Variants in SH2D4B observed in about 807,000 individuals in gnomAD.
The protein encoded by SH2D4B is SH2 domain-containing protein 4B.
In SH2D4B, 45 loss-of-function variants were observed where a neutral mutation model predicts 61.5. The observed-to-expected ratio is 0.73, with a 90% CI of 0.58 to 0.94. The LOEUF (loss-of-function observed/expected upper bound fraction) is 0.94. Ranked by LOEUF, SH2D4B falls within the 40% of genes least tolerant of loss-of-function variation. The pLI is 0.00. For missense variants in SH2D4B, 572 were observed against 574.2 expected, an observed-to-expected ratio of 1.00 and a Z score of 0.04; for synonymous variants, 224 against 220.4, an observed-to-expected ratio of 1.02 and a Z score of -0.14.
chr10:80,564,985 C>CA lies in SH2D4B; in HGVS notation c.185-5162dup, dbSNP rs571413854. Among the ~76,000 whole-genome samples the CA allele has an allele frequency of 1.8e-3, 270 of 152,018 alleles. 2 individuals carry two copies. Among genetic ancestry groups the CA allele is most frequent in the African/African-American group, 5.7e-3 (238 of 41,476 alleles). The stretch of plus-strand genomic sequence containing the variant: ...CTCATGGTCAGAACAAATTTATAGA[C>CA]AAAAAAAGGGACATTGGAAGTGAGG... On this transcript the variant is annotated intron_variant, in intron 1 of 7. Coordinates refer to ENST00000646907, the MANE Select transcript of SH2D4B (RefSeq NM_001388272.1).
At chr10:80,541,937 T>C (rs536486943) in intron 1 of SH2D4B, among the ~76,000 whole-genome samples, 31 of 152,328 alleles carry the variant, frequency 2.0e-4, no homozygotes, top group African/African-American at 7.2e-4. Flanking sequence ...ACATGGCATT[T>C]CTTTTCTGTT....
At chr10:80,588,874 C>T in intron 4 of SH2D4B, 97 bp downstream of exon 4, 5 of 1,445,952 alleles carry the variant, frequency 3.5e-6, no homozygotes, top group Non-Finnish European at 4.7e-6. Context: ...TCCATTCGCT[C>T]ACTCACCCCA....
intron 7 of SH2D4B, among the ~76,000 whole-genome samples, chr10:80,636,885 T>A (rs1157870818): frequency 6.6e-6 from 1 of 152,236 alleles, no homozygotes; most frequent in Non-Finnish European, 1.5e-5. Flanking sequence ...CTGAATGGTA[T>A]TGCCTAGGTT....
chr10:80,551,640 A>G (rs1417677581), intron 1 of SH2D4B, among the ~76,000 whole-genome samples: 1 of 152,202 alleles, frequency 6.6e-6, no homozygotes, highest in Non-Finnish European at 1.5e-5. Flanking sequence ...AAATTAAAGC[A>G]ATCAGATTAG....
intron 1 of SH2D4B, chr10:80,540,882 C>T: frequency 6.4e-7 from 1 of 1,551,664 alleles, no homozygotes; most frequent in Non-Finnish European, 8.7e-7. Context: ...GAGGAATCTT[C>T]TCTTCCTTCC....
rs561425751 is a variant in SH2D4B at position 80,609,496 on chromosome 10, G to T, written c.933G>T (p.Leu311=). Residue 311 remains leucine (L), a synonymous_variant, in exon 6 of 8, where the codon CTG becomes CTT. Coordinates refer to ENST00000646907, the MANE Select transcript of SH2D4B (RefSeq NM_001388272.1). ...TCCGCTGGTTTAAGGAGGAGCAGCTGCCTCGCCGAGCTGGCTTCGAGAGGA... is the reference window on the plus strand; with the variant it reads ...TCCGCTGGTTTAAGGAGGAGCAGCTTCCTCGCCGAGCTGGCTTCGAGAGGA... ...VIVRWFKEEQ[L]PRRAGFERNT... is the part of the protein sequence containing the mutation. The T allele has an allele frequency of 1.9e-6, 3 of 1,614,220 alleles. No homozygotes were observed. The highest frequency in any genetic ancestry group is 2.2e-5 in the South Asian group (2 of 91,084).
At chr10:80,615,431 A>T (rs1034134183) in intron 6 of SH2D4B, among the ~76,000 whole-genome samples, 1 of 152,242 alleles carries the variant, frequency 6.6e-6, no homozygotes. Context: ...GGAAACTGGG[A>T]CAGAAAAGTG....
At chr10:80,592,701 CTG>C (rs1025089973) in intron 4 of SH2D4B, among the ~76,000 whole-genome samples, 1 of 146,264 alleles carries the variant, frequency 6.8e-6, no homozygotes, top group Non-Finnish European at 1.5e-5. Flanking sequence ...TTTCTGTACT[CTG>C]TCTCTCTGTC....
chr10:80,538,440 A>T lies in SH2D4B; in HGVS notation c.109A>T (p.Arg37Trp). Residue 37 changes from arginine (R) to tryptophan (W), a missense_variant, in exon 1 of 8, where the codon AGG becomes TGG. Physicochemically the swap from Arg to Trp is moderately radical, Grantham distance 101. Coordinates refer to ENST00000646907, the MANE Select transcript of SH2D4B (RefSeq NM_001388272.1). This position sits in a 1 kb window ranked among gnomAD's most constrained non-coding sequence, Gnocchi z 4.8. ...CTACAAAATGCGGGAGGAGCAGCTG[A>T]GGCGCTGGAAGGAGCGGGAGACTTG... ...LFYKMREEQLRRWKERETWEA... is the reference protein window; with the variant it reads ...LFYKMREEQLWRWKERETWEA... The T allele has an allele frequency of 6.7e-7, 1 of 1,498,504 alleles. No homozygotes were observed. The highest frequency in any genetic ancestry group is 8.9e-7 in the Non-Finnish European group (1 of 1,122,394). 92.8% of individuals were successfully genotyped at this position (1,498,504 alleles called of 1,614,324 possible).
rs1841553260 is a variant in SH2D4B, at chr10:80,539,695, T to C, written c.184+1180T>C. 6.6e-6 allele frequency among the ~76,000 whole-genome samples: 1 copy of C among 152,124 alleles called. No individual in the cohort carries two copies. The highest frequency in any genetic ancestry group is 1.5e-5 in the Non-Finnish European group (1 of 68,020). ...TGCCCTGGCATTTGCCACCCTGTCATTGTCATTCCTCATCTGCTTGCCTGG... is the reference window on the plus strand; with the variant it reads ...TGCCCTGGCATTTGCCACCCTGTCACTGTCATTCCTCATCTGCTTGCCTGG... On this transcript the variant is annotated intron_variant, in intron 1 of 7. Transcript: ENST00000646907. This position sits in a 1 kb window ranked among gnomAD's most constrained non-coding sequence, Gnocchi z 4.9.
intron 2 of SH2D4B, among the ~76,000 whole-genome samples, chr10:80,570,989 C>T (rs1842035037): frequency 6.6e-6 from 1 of 152,140 alleles, no homozygotes; most frequent in African/African-American, 2.4e-5. Context: ...ATCCTCCCGC[C>T]TCAGCCTCCT....
chr10:80,582,553 G>C (rs1842194713), intron 3 of SH2D4B, among the ~76,000 whole-genome samples: 1 of 152,120 alleles, frequency 6.6e-6, no homozygotes, highest in Admixed American at 6.5e-5. Context: ...GAGTTCCTTG[G>C]GATATCTGCT....
chr10:80,563,103 G>A (rs1325475766), intron 1 of SH2D4B, among the ~76,000 whole-genome samples: 1 of 151,380 alleles, frequency 6.6e-6, no homozygotes, highest in Non-Finnish European at 1.5e-5. Context: ...GGGTTTCACC[G>A]TTTTAGCCGG....
intron 3 of SH2D4B, among the ~76,000 whole-genome samples, chr10:80,572,014 C>T (rs964555662): frequency 2.6e-5 from 4 of 151,916 alleles, no homozygotes; most frequent in South Asian, 4.2e-4. Flanking sequence ...CCTCGTGATC[C>T]GCCCGCCTCG....
chr10:80,638,222 A>G (rs558930723), intron 7 of SH2D4B, among the ~76,000 whole-genome samples: 1 of 152,228 alleles, frequency 6.6e-6, no homozygotes, highest in Non-Finnish European at 1.5e-5. Context: ...ATCGATGTTC[A>G]TCAGGGATAT....
At chr10:80,636,078 G>A (rs543770486) in intron 7 of SH2D4B, among the ~76,000 whole-genome samples, 3 of 152,194 alleles carry the variant, frequency 2.0e-5, no homozygotes, top group South Asian at 4.1e-4. Flanking sequence ...GATAGTTTGC[G>A]AGAATGATGG....
rs564378251 is a variant in SH2D4B, at chr10:80,570,316, G to A, written c.347G>A (p.Trp116Ter). 3.1e-6 allele frequency: 5 copies of A among 1,612,522 alleles called. No individual in the cohort carries two copies. The South Asian group carries it at 4.4e-5, about 14-fold the overall frequency. ...LQAQREAEEL[W>*]RQKEAEITKK... ...GCACAGAGGGAAGCTGAGGAGCTCT[G>A]GTGAGGGGTGCTATGGGGTGTTGGG... Residue 116 changes from tryptophan (W) to a stop codon, truncating the protein, a stop_gained and splice_region_variant, in exon 2 of 8, where the codon TGG (tryptophan) becomes TAG (stop). Transcript: ENST00000646907. LOFTEE classifies it high-confidence loss of function.
chr10:80,611,126 G>A (rs1346732500), intron 6 of SH2D4B, among the ~76,000 whole-genome samples: 3 of 129,810 alleles, frequency 2.3e-5, no homozygotes, highest in African/African-American at 8.7e-5. Flanking sequence ...AGAGAGCCGA[G>A]ATTGCAACAT....
intron 4 of SH2D4B, among the ~76,000 whole-genome samples, chr10:80,602,634 G>T (rs12243395): frequency 0.076 from 11,611 of 152,134 alleles, 467 homozygotes; most frequent in African/African-American, 0.097. Context: ...ACCAAGAAAG[G>T]GTTCCAGAAC....
Sources: gnomAD v4.1 joint callset for allele counts (sites outside exome capture counted in the v4.1 genomes callset) on GRCh38, gnomAD v4.1.1 for gene constraint, Gnocchi (gnomAD v3.1) non-coding constraint, MANE v1.5 for transcripts, NCBI Gene and HGNC (gene_info 2026-07-23, HGNC 2026-07-21) for gene names.